CD109: variants seen among roughly 807,000 people sequenced by gnomAD.
CD109 encodes CD109 antigen.
Under a neutral mutation model 165.8 loss-of-function variants are expected in CD109, and 149 were observed. The ratio of observed to expected loss-of-function variants is 0.90; its 90% CI spans 0.79 to 1.03. The LOEUF is 1.03. CD109 is among the 50% of genes least tolerant of loss of function. The pLI, the probability that CD109 is intolerant of heterozygous loss-of-function variation, is 0.00. For missense variants in CD109, 1,712 were observed against 1,677.8 expected, an observed-to-expected ratio of 1.02 and a Z score of -0.36; for synonymous variants, 585 against 592.1, an observed-to-expected ratio of 0.99 and a Z score of 0.18.
chr6:73,807,362 G>C (rs928686255), intron 25 of CD109, among the ~76,000 whole-genome samples: 1 of 152,096 alleles, frequency 6.6e-6, no homozygotes, highest in East Asian at 1.9e-4. Flanking sequence ...CATTGAAAAA[G>C]TTAATTTCTG....
At chr6:73,753,992 T>C (rs1773290820) in intron 5 of CD109, among the ~76,000 whole-genome samples, 1 of 152,186 alleles carries the variant, frequency 6.6e-6, no homozygotes, top group South Asian at 2.1e-4. Context: ...TTACAGGAGA[T>C]GGACACAAAG....
intron 23 of CD109, among the ~76,000 whole-genome samples, chr6:73,799,513 CT>C (rs1465580694): frequency 2.0e-5 from 3 of 152,036 alleles, no homozygotes; most frequent in East Asian, 1.9e-4. Flanking sequence ...GCATTTCCCC[CT>C]AGGAAGGTCT....
intron 19 of CD109, among the ~76,000 whole-genome samples, chr6:73,784,162 C>G (rs965329262): frequency 6.6e-6 from 1 of 152,158 alleles, no homozygotes; most frequent in Non-Finnish European, 1.5e-5. Context: ...TATTTGTCCT[C>G]TTCAAGAATG....
Position 73,781,320 on chromosome 6 carries a change from G to T in CD109, c.1963+1G>T. The T allele has an allele frequency of 1.2e-6, 2 of 1,610,228 alleles. No homozygotes were observed. The highest frequency in any genetic ancestry group is 3.3e-5 in the Admixed American group (2 of 59,976). ...ACGAAGGATTATATTGATGGTGTTT[G>T]TAAGTAATACATGGCGACATGCTTG... is the stretch of plus-strand genomic sequence containing the variant. On this transcript the variant is annotated splice_donor_variant, in intron 17 of 32. Coordinates refer to ENST00000287097, the MANE Select transcript of CD109 (RefSeq NM_133493.5). LOFTEE classifies it high-confidence loss of function.
chr6:73,788,791 G>T (rs1420546796), intron 22 of CD109, among the ~76,000 whole-genome samples, 179 bp downstream of exon 22: 1 of 152,198 alleles, frequency 6.6e-6, no homozygotes, highest in Non-Finnish European at 1.5e-5. Context: ...TCCTAAAACT[G>T]TTCTCAATCT....
chr6:73,820,571 T>G lies in CD109; in HGVS notation c.4162+8T>G. On this transcript the variant is annotated splice_region_variant and intron_variant, in intron 32 of 32. Coordinates refer to ENST00000287097, the MANE Select transcript of CD109 (RefSeq NM_133493.5). The stretch of plus-strand genomic sequence containing the variant: ...TGGATTACTATGAGCCAAGTAAGTA[T>G]GCTCTGGAGTTCTTAATACTTTAGA... 1 of 1,459,906 alleles carries G rather than the reference T, an allele frequency of 6.8e-7. No individual in the cohort carries two copies. The allele number at this position is 1,459,906 out of a possible 1,614,324, so 90.4% of individuals were successfully genotyped here.
upstream of CD109, among the ~76,000 whole-genome samples, chr6:73,692,167 A>T (rs6940446): frequency 0.97 from 147,231 of 152,198 alleles, 71,396 homozygotes; most frequent in East Asian, 1. Flanking sequence ...CCACCTCCGA[A>T]ATTGGGGATT....
At chr6:73,704,063 T>C (rs1771174256) in intron 2 of CD109, among the ~76,000 whole-genome samples, 1 of 151,420 alleles carries the variant, frequency 6.6e-6, no homozygotes, top group African/African-American at 2.4e-5. Flanking sequence ...TGGGCGCCTA[T>C]AGTCCCAGTT....
chr6:73,759,182 G>C (rs1409442872), intron 7 of CD109, among the ~76,000 whole-genome samples, 154 bp downstream of exon 7: 2 of 152,118 alleles, frequency 1.3e-5, no homozygotes, highest in Non-Finnish European at 2.9e-5. Flanking sequence ...AATTAAGCAT[G>C]GGACAGAGCT....
intron 2 of CD109, among the ~76,000 whole-genome samples, chr6:73,715,776 A>G (rs747558047): frequency 8.5e-5 from 13 of 152,170 alleles, no homozygotes; most frequent in South Asian, 8.3e-4. Context: ...CAAACAATCC[A>G]GTTATACTAT....
intron 15 of CD109, among the ~76,000 whole-genome samples, chr6:73,772,290 G>C (rs982622919): frequency 1.3e-5 from 2 of 152,060 alleles, no homozygotes; most frequent in Admixed American, 1.3e-4. Context: ...TGGATCACGA[G>C]GTCAGGAGAT....
chr6:73,798,486 A>G (rs1775248939), intron 23 of CD109, among the ~76,000 whole-genome samples: 1 of 152,100 alleles, frequency 6.6e-6, no homozygotes, highest in East Asian at 1.9e-4. Flanking sequence ...AGGGATCCAC[A>G]ATGATGCATG....
chr6:73,687,829 C>T, the CD109 span, among the ~76,000 whole-genome samples: 43 of 152,152 alleles, frequency 2.8e-4, no homozygotes, highest in Non-Finnish European at 4.0e-4. Flanking sequence ...GCAAGAAGGA[C>T]GTGCTTTTCC....
At position 73,696,231 on chromosome 6, in the gene CD109, C is replaced by T. The variant is rs1327900789; in HGVS notation, c.16C>T (p.Leu6Phe). MQGPP[L>F]LTAAHLLCVC... Reference sequence around the variant, plus strand: ...CGCCGTCGAGATGCAGGGCCCACCGCTCCTGACCGCCGCCCACCTCCTCTG... The same window carrying T: ...CGCCGTCGAGATGCAGGGCCCACCGTTCCTGACCGCCGCCCACCTCCTCTG... The change falls in exon 1 of 33, where the codon CTC becomes TTC. Residue 6 changes from leucine (L) to phenylalanine (F), a missense_variant. Coordinates refer to ENST00000287097, the MANE Select transcript of CD109 (RefSeq NM_133493.5). 3 of 1,545,084 alleles carry T rather than the reference C, an allele frequency of 1.9e-6. No homozygotes were observed. The highest frequency in any genetic ancestry group is 1.7e-6 in the Non-Finnish European group (2 of 1,149,748).
intron 15 of CD109, among the ~76,000 whole-genome samples, chr6:73,778,959 T>A (rs533571217): frequency 6.6e-6 from 1 of 152,332 alleles, no homozygotes; most frequent in South Asian, 2.1e-4. Context: ...TTTACCATTT[T>A]AAGTGTTTAA....
intron 26 of CD109, 37 bp from the exon 27 acceptor site, chr6:73,809,947 G>A: frequency 6.6e-7 from 1 of 1,523,560 alleles, no homozygotes; most frequent in Non-Finnish European, 8.9e-7. Context: ...AATTTTTCTG[G>A]ATAATTGATC....
At chr6:73,764,915 G>T (rs896347824) in intron 10 of CD109, among the ~76,000 whole-genome samples, 1 of 151,874 alleles carries the variant, frequency 6.6e-6, no homozygotes, top group Non-Finnish European at 1.5e-5. Context: ...TGATTTCAAT[G>T]ATCTTAATTT....
intron 2 of CD109, among the ~76,000 whole-genome samples, chr6:73,715,643 G>C (rs1268489295): frequency 6.6e-6 from 1 of 151,708 alleles, no homozygotes; most frequent in African/African-American, 2.4e-5. Flanking sequence ...AATTGTTGTG[G>C]ATACATAGAA....
chr6:73,803,157 T>A (rs1346296685), intron 23 of CD109, 63 bp from the exon 24 acceptor site: 1 of 1,114,246 alleles, frequency 9.0e-7, no homozygotes, highest in African/African-American at 1.5e-5. Flanking sequence ...AAGTCATAAT[T>A]AGAAACTTTC....
Sources: allele counts gnomAD v4.1 joint callset (sites outside exome capture counted in the v4.1 genomes callset), GRCh38; gene constraint gnomAD v4.1.1; transcripts MANE v1.5; gene names NCBI Gene and HGNC (gene_info 2026-07-23, HGNC 2026-07-21).